The following GRIP1 variants were observed in gnomAD, a reference collection of about 807,000 sequenced individuals.
GRIP1 encodes the protein glutamate receptor-interacting protein 1.
In GRIP1, 45 loss-of-function variants were observed where a neutral mutation model predicts 129.9. The ratio of observed to expected loss-of-function variants is 0.35; its 90% CI spans 0.27 to 0.44. The LOEUF is 0.44. GRIP1 is among the 20% of genes least tolerant of loss of function. The pLI is 1.00. For missense variants in GRIP1, 1,196 were observed against 1,396.8 expected (o/e 0.86, Z 2.29); for synonymous variants, 530 against 520.8 (o/e 1.02, Z -0.24).
intron 14 of GRIP1, among the ~76,000 whole-genome samples, chr12:66,424,597 T>C (rs2057920509): frequency 6.6e-6 from 1 of 152,184 alleles, no homozygotes; most frequent in African/African-American, 2.4e-5. Flanking sequence ...TTTGTCATAA[T>C]TTTTGGTATT....
intron 1 of GRIP1, among the ~76,000 whole-genome samples, chr12:67,056,846 T>C (rs1184663416): frequency 6.6e-6 from 1 of 152,180 alleles, no homozygotes; most frequent in Non-Finnish European, 1.5e-5. Context: ...AGTCTCACAC[T>C]GTCACCAAGG....
chr12:66,821,917 T>C (rs11176436), intron 1 of GRIP1, among the ~76,000 whole-genome samples: 25,241 of 152,108 alleles, frequency 0.17, 2,748 homozygotes, highest in African/African-American at 0.29. Flanking sequence ...GCCGACTACA[T>C]TATCTCAGGA....
intron 1 of GRIP1, among the ~76,000 whole-genome samples, chr12:66,699,187 T>C (rs759173511): frequency 1.3e-5 from 2 of 152,106 alleles, no homozygotes; most frequent in Non-Finnish European, 2.9e-5. Flanking sequence ...TTAAGGAGGG[T>C]AAGTCTAGTG....
intron 1 of GRIP1, among the ~76,000 whole-genome samples, chr12:66,768,420 G>A (rs1007593869): frequency 6.6e-6 from 1 of 152,174 alleles, no homozygotes; most frequent in African/African-American, 2.4e-5. Context: ...TCCGGAACTT[G>A]CAACCTTGCA....
chr12:66,806,329 C>T (rs1384274550), upstream of GRIP1, among the ~76,000 whole-genome samples: 2 of 152,074 alleles, frequency 1.3e-5, no homozygotes, highest in South Asian at 2.1e-4. Flanking sequence ...CATTCAAGTT[C>T]ATTCTTTTCT....
At chr12:66,897,486 C>G (rs1374551430) in intron 1 of GRIP1, among the ~76,000 whole-genome samples, 1 of 152,142 alleles carries the variant, frequency 6.6e-6, no homozygotes, top group Non-Finnish European at 1.5e-5. Flanking sequence ...ACAATGTTCC[C>G]TTAATTAAGA....
intron 1 of GRIP1, among the ~76,000 whole-genome samples, chr12:66,868,969 G>T (rs1418999345): frequency 6.6e-6 from 1 of 152,072 alleles, no homozygotes; most frequent in Non-Finnish European, 1.5e-5. Context: ...TGGCTGCAGA[G>T]GTCTAGGTCA....
At chr12:66,647,597 A>C (rs1357231703) in intron 1 of GRIP1, among the ~76,000 whole-genome samples, 3 of 152,250 alleles carry the variant, frequency 2.0e-5, no homozygotes, top group Non-Finnish European at 4.4e-5. Flanking sequence ...AGAAATTGAC[A>C]GAAGTGAAAA....
chr12:66,842,555 A>G (rs2039738959), intron 1 of GRIP1, among the ~76,000 whole-genome samples: 1 of 152,114 alleles, frequency 6.6e-6, no homozygotes, highest in South Asian at 2.1e-4. Flanking sequence ...TGAATGCTCA[A>G]TATTTGCTAT....
intron 2 of GRIP1, 39 bp downstream of exon 2, chr12:66,596,808 A>C: frequency 8.2e-7 from 1 of 1,212,622 alleles, no homozygotes; most frequent in Non-Finnish European, 1.2e-6. Flanking sequence ...ACAGGATTCA[A>C]AAGTAAAACA....
chr12:66,369,340 C>CT (rs758593628), intron 23 of GRIP1, among the ~76,000 whole-genome samples: 2,559 of 106,686 alleles, frequency 0.024, 56 homozygotes, highest in African/African-American at 0.053. Context: ...TTAACAAGAT[C>CT]TTTTTTTTTT....
intron 5 of GRIP1, among the ~76,000 whole-genome samples, chr12:66,524,407 A>G (rs1348658002): frequency 3.3e-5 from 5 of 152,206 alleles, no homozygotes; most frequent in African/African-American, 1.2e-4. Context: ...TGGAAACTGA[A>G]CAACCTGCTC....
At chr12:66,861,565 G>A (rs1322115550) in intron 1 of GRIP1, among the ~76,000 whole-genome samples, 1 of 152,048 alleles carries the variant, frequency 6.6e-6, no homozygotes, top group Non-Finnish European at 1.5e-5. Flanking sequence ...GGGGCTAAAG[G>A]CTGAATACAG....
At position 66,521,244 on chromosome 12, in the gene GRIP1, G is replaced by T. The variant is rs73125005; in HGVS notation, c.503-3268C>A. On this transcript the variant is annotated intron_variant, in intron 5 of 24. Coordinates refer to ENST00000359742, the MANE Select transcript of GRIP1 (RefSeq NM_001366722.1). Reference sequence around the variant, plus strand: ...ATAGTACTTCTTTCCATGCTGACATGTTGACATGTGCTTAATAAACATTTG... The same window carrying T: ...ATAGTACTTCTTTCCATGCTGACATTTTGACATGTGCTTAATAAACATTTG... Among the ~76,000 whole-genome samples, 1,313 of 152,232 alleles carry T rather than the reference G, an allele frequency of 8.6e-3. 12 individuals carry two copies. The highest frequency in any genetic ancestry group is 0.013 in the Non-Finnish European group (863 of 68,020).
chr12:66,989,579 G>C (rs2042364247), intron 1 of GRIP1, among the ~76,000 whole-genome samples: 1 of 152,130 alleles, frequency 6.6e-6, no homozygotes, highest in Non-Finnish European at 1.5e-5. Context: ...ATCCGAATAG[G>C]TTATTAATCA....
intron 1 of GRIP1, among the ~76,000 whole-genome samples, chr12:66,933,680 A>C (rs991940551): frequency 1.3e-5 from 2 of 152,180 alleles, no homozygotes; most frequent in East Asian, 3.9e-4. Context: ...ATAGATACAT[A>C]AATGTACATT....
chr12:66,634,160 CG>C (rs1038792184), intron 1 of GRIP1, among the ~76,000 whole-genome samples: 10 of 152,118 alleles, frequency 6.6e-5, no homozygotes, highest in African/African-American at 2.4e-4. Context: ...ATTCATTCCA[CG>C]AAAAGATTTC....
chr12:66,750,716 G>A (rs1043240457), intron 1 of GRIP1, among the ~76,000 whole-genome samples: 1 of 152,178 alleles, frequency 6.6e-6, no homozygotes, highest in Non-Finnish European at 1.5e-5. Context: ...TGTTACATTA[G>A]AGGAGTGCCA....
At chr12:66,557,141 A>G (rs1346610573) in intron 2 of GRIP1, among the ~76,000 whole-genome samples, 1 of 152,114 alleles carries the variant, frequency 6.6e-6, no homozygotes, top group Non-Finnish European at 1.5e-5. Context: ...AAGACATCCT[A>G]TGCCAATGGA....
Sources: gnomAD v4.1 joint callset for allele counts (sites outside exome capture counted in the v4.1 genomes callset) on GRCh38, gnomAD v4.1.1 for gene constraint, MANE v1.5 for transcripts, NCBI Gene and HGNC (gene_info 2026-07-23, HGNC 2026-07-21) for gene names.